The following ATG10 variants were observed in gnomAD, a reference collection of about 807,000 sequenced individuals.
ATG10 encodes ubiquitin-like-conjugating enzyme ATG10.
Under a neutral mutation model 32.1 loss-of-function variants are expected in ATG10, and 30 were observed. The ratio of observed to expected loss-of-function variants is 0.94; its 90% CI spans 0.70 to 1.27. The LOEUF (loss-of-function observed/expected upper bound fraction) is 1.27. Ranked by LOEUF, ATG10 falls within the 50% of genes most tolerant of loss-of-function variation. The probability of loss-of-function intolerance (pLI) is 0.00; values close to 1 mark genes in which losing one functional copy is unlikely to be tolerated. For missense variants in ATG10, 233 were observed against 262.3 expected (o/e 0.89, Z 0.77); for synonymous variants, 87 against 91.5 (o/e 0.95, Z 0.28).
At chr5:82,217,171 G>T (rs1384246476) in intron 5 of ATG10, among the ~76,000 whole-genome samples, 3 of 152,130 alleles carry the variant, frequency 2.0e-5, no homozygotes, top group Non-Finnish European at 4.4e-5. Flanking sequence ...TAGTAAAATT[G>T]GGAAGATCAT....
chr5:82,027,044 G>T (rs1169359499), intron 2 of ATG10, among the ~76,000 whole-genome samples: 1 of 151,266 alleles, frequency 6.6e-6, no homozygotes, highest in South Asian at 2.1e-4. Flanking sequence ...GGGCAACAGA[G>T]CAAGACTCCA....
At chr5:82,045,288 G>A (rs1763200266) in intron 2 of ATG10, among the ~76,000 whole-genome samples, 1 of 152,134 alleles carries the variant, frequency 6.6e-6, no homozygotes, top group South Asian at 2.1e-4. Flanking sequence ...TTTATGTGAT[G>A]TGTAAAATCA....
At chr5:82,228,100 G>A (rs916104144) in intron 5 of ATG10, among the ~76,000 whole-genome samples, 3 of 151,840 alleles carry the variant, frequency 2.0e-5, no homozygotes, top group Non-Finnish European at 4.4e-5. Context: ...CCAGCTACTC[G>A]GGAAGCTGAG....
At chr5:82,006,352 T>C (rs1446137518) in intron 2 of ATG10, among the ~76,000 whole-genome samples, 1 of 152,178 alleles carries the variant, frequency 6.6e-6, no homozygotes, top group South Asian at 2.1e-4. Context: ...ATTTCAAGCA[T>C]ACAAAAGTAA....
chr5:82,169,173 A>T (rs1221920024), intron 4 of ATG10, among the ~76,000 whole-genome samples: 1 of 152,148 alleles, frequency 6.6e-6, no homozygotes, highest in Non-Finnish European at 1.5e-5. Context: ...ATTATGGAAG[A>T]GATAATGGTT....
At chr5:81,979,644 G>A (rs897355906) in intron 1 of ATG10, among the ~76,000 whole-genome samples, 6 of 151,128 alleles carry the variant, frequency 4.0e-5, no homozygotes, top group African/African-American at 7.3e-5. Flanking sequence ...TGCAGTGGGT[G>A]AAGATGGCAG....
At chr5:82,122,611 C>T (rs887771191) in intron 3 of ATG10, among the ~76,000 whole-genome samples, 3 of 152,204 alleles carry the variant, frequency 2.0e-5, no homozygotes, top group Non-Finnish European at 2.9e-5. Flanking sequence ...GCAAACTATA[C>T]ATCTGACAAT....
chr5:82,138,356 G>A (rs536362142), intron 3 of ATG10, among the ~76,000 whole-genome samples: 121 of 152,334 alleles, frequency 7.9e-4, no homozygotes, highest in Non-Finnish European at 1.3e-3. Flanking sequence ...CCCTGGTGTC[G>A]TAGGCACTCA....
intron 3 of ATG10, among the ~76,000 whole-genome samples, chr5:82,105,514 C>G (rs1293430725): frequency 6.6e-6 from 1 of 152,074 alleles, no homozygotes; most frequent in Non-Finnish European, 1.5e-5. Flanking sequence ...AGTGAGAATG[C>G]CCTCTGAACA....
intron 2 of ATG10, among the ~76,000 whole-genome samples, chr5:82,051,411 G>A (rs1040255248): frequency 1.3e-5 from 2 of 152,140 alleles, no homozygotes; most frequent in Admixed American, 1.3e-4. Flanking sequence ...GAGGTGTCAT[G>A]TTTAATAAAT....
intron 5 of ATG10, among the ~76,000 whole-genome samples, chr5:82,232,787 T>C (rs1746415476): frequency 6.6e-6 from 1 of 152,088 alleles, no homozygotes; most frequent in Non-Finnish European, 1.5e-5. Context: ...AATAACAGAT[T>C]CTGTCATAAA....
intron 5 of ATG10, among the ~76,000 whole-genome samples, chr5:82,226,001 G>T (rs1561366974): frequency 6.6e-6 from 1 of 152,094 alleles, no homozygotes; most frequent in Non-Finnish European, 1.5e-5. Context: ...AGAAGGTGAA[G>T]AATTCATCCC....
chr5:82,070,312 G>A (rs1386090096), intron 3 of ATG10, among the ~76,000 whole-genome samples: 1 of 152,154 alleles, frequency 6.6e-6, no homozygotes, highest in Non-Finnish European at 1.5e-5. Flanking sequence ...GAAAAGAAAA[G>A]TAGTAATCTG....
At chr5:82,110,091 T>C (rs1311137394) in intron 3 of ATG10, among the ~76,000 whole-genome samples, 3 of 152,026 alleles carry the variant, frequency 2.0e-5, no homozygotes, top group Non-Finnish European at 4.4e-5. Flanking sequence ...AGAATGATGG[T>C]TTCCAGCTTC....
At position 82,043,550 on chromosome 5, in the gene ATG10, C is replaced by G. The variant is rs528710540; in HGVS notation, c.109-14945C>G. ...TTTCTTTTCTACTGCAATGGTTGGG[C>G]TGCAAATTTTCCAAATTTTTATGCT... On this transcript the variant is annotated intron_variant, in intron 2 of 7. Transcript: ENST00000282185. Among the ~76,000 whole-genome samples the G allele has an allele frequency of 1.2e-4, 18 of 152,328 alleles. No individual in the cohort carries two copies. The South Asian group carries it at 3.5e-3, about 30-fold the overall frequency.
In ATG10 at chr5:82,139,741, C is replaced by T. The variant is rs1238587486; in HGVS notation, c.217-24658C>T. ...GGGGTCAGCCCCCTGCCCGGCCAGCCGCCCCGTCCGGGAGGCGAGGGGCGC... is the reference window on the plus strand; with the variant it reads ...GGGGTCAGCCCCCTGCCCGGCCAGCTGCCCCGTCCGGGAGGCGAGGGGCGC... On this transcript the variant is annotated intron_variant, in intron 3 of 7. Transcript: ENST00000282185. 5.2e-4 allele frequency among the ~76,000 whole-genome samples: 73 copies of T among 139,384 alleles called. 5 individuals carry two copies. In the South Asian group the frequency reaches 0.018, roughly 34 times the overall value. 91.4% of individuals were successfully genotyped at this position (139,384 alleles called of 152,430 possible).
At position 82,049,008 on chromosome 5, in the gene ATG10, G is replaced by A. The variant is rs1298003813; in HGVS notation, c.109-9487G>A. Among the ~76,000 whole-genome samples the A allele has an allele frequency of 2.0e-5, 3 of 150,350 alleles. No homozygotes were observed. In the East Asian group the frequency reaches 5.9e-4, roughly 29 times the overall value. The stretch of plus-strand genomic sequence containing the variant: ...AGTGTGGCGATTCCTCAGGGATCTA[G>A]AACTAGAAATACCATTTGACCCAGC... On this transcript the variant is annotated intron_variant, in intron 2 of 7. Transcript: ENST00000282185.
chr5:82,132,095 C>T (rs1482864519), intron 3 of ATG10, among the ~76,000 whole-genome samples: 3 of 152,036 alleles, frequency 2.0e-5, no homozygotes, highest in Admixed American at 2.0e-4. Flanking sequence ...GGACCCACCT[C>T]CAACATTAGG....
intron 2 of ATG10, among the ~76,000 whole-genome samples, chr5:82,028,059 A>G (rs2149712718): frequency 6.6e-6 from 1 of 152,356 alleles, no homozygotes. Flanking sequence ...GCTAAAGCCA[A>G]ACTGTCTCAA....
Sources: gnomAD v4.1 joint callset for allele counts (sites outside exome capture counted in the v4.1 genomes callset) on GRCh38, gnomAD v4.1.1 for gene constraint, MANE v1.5 for transcripts, NCBI Gene and HGNC (gene_info 2026-07-23, HGNC 2026-07-21) for gene names.